The following PGM5 variants were observed in gnomAD, a reference collection of about 807,000 sequenced individuals.
PGM5 encodes phosphoglucomutase-like protein 5.
A neutral mutation model predicts 59.2 loss-of-function variants in PGM5; 23 were observed. The observed-to-expected ratio is 0.39, with a 90% CI of 0.28 to 0.55. PGM5 has a LOEUF of 0.55. Among genes scored for constraint, PGM5 ranks in the 20% least tolerant of loss-of-function variants. The pLI, the probability that PGM5 is intolerant of heterozygous loss-of-function variation, is 0.66. For synonymous variants in PGM5, 214 were observed against 286.0 expected (o/e 0.75, Z 2.54); for missense variants, 574 against 748.3 (o/e 0.77, Z 2.72).
chr9:68,505,869 A>G (rs1239353096), intron 10 of PGM5, among the ~76,000 whole-genome samples: 2 of 152,188 alleles, frequency 1.3e-5, no homozygotes, highest in African/African-American at 2.4e-5. Context: ...GTGGGGCTGA[A>G]CATTCAAACC....
At chr9:68,470,823 C>A (rs1336943433) in intron 7 of PGM5, among the ~76,000 whole-genome samples, 2 of 152,186 alleles carry the variant, frequency 1.3e-5, no homozygotes, top group African/African-American at 4.8e-5. Flanking sequence ...TGAGCAGTTT[C>A]TCTGTGGGGC....
At chr9:68,418,563 G>A (rs911330634) in intron 6 of PGM5, among the ~76,000 whole-genome samples, 1 of 152,020 alleles carries the variant, frequency 6.6e-6, no homozygotes, top group Admixed American at 6.6e-5. Flanking sequence ...TGTTCAAGCA[G>A]AAGAAATCTC....
chr9:68,519,897 C>A (rs1564028136), intron 10 of PGM5, among the ~76,000 whole-genome samples: 2 of 139,792 alleles, frequency 1.4e-5, no homozygotes, highest in Admixed American at 7.2e-5. Flanking sequence ...CTTGTCTTTA[C>A]AATAAATAAA....
intron 4 of PGM5, among the ~76,000 whole-genome samples, chr9:68,387,926 C>T (rs1822267570): frequency 6.6e-6 from 1 of 152,046 alleles, no homozygotes; most frequent in African/African-American, 2.4e-5. Flanking sequence ...CAACTCCTAT[C>T]TTCCCCCAAT....
intron 6 of PGM5, among the ~76,000 whole-genome samples, chr9:68,402,084 G>A (rs1554680702): frequency 3.9e-5 from 6 of 152,042 alleles, no homozygotes; most frequent in African/African-American, 2.4e-5. Context: ...CTAACATGGC[G>A]AAGCCCCTGT....
At chr9:68,517,290 A>G (rs185543228) in intron 10 of PGM5, among the ~76,000 whole-genome samples, 75 of 152,198 alleles carry the variant, frequency 4.9e-4, no homozygotes, top group African/African-American at 1.7e-3. Context: ...TTACTCCCCA[A>G]ATGGTTGCTG....
chr9:68,523,397 T>C (rs1394660313), intron 10 of PGM5, among the ~76,000 whole-genome samples: 1 of 152,184 alleles, frequency 6.6e-6, no homozygotes, highest in South Asian at 2.1e-4. Context: ...TGAGGGGTGC[T>C]GCAGTCTCCA....
At chr9:68,359,887 A>G (rs1834545557) in intron 1 of PGM5, among the ~76,000 whole-genome samples, 1 of 152,220 alleles carries the variant, frequency 6.6e-6, no homozygotes, top group South Asian at 2.1e-4. Context: ...TTTGTTGCCC[A>G]GGCTGGAGTG....
At chr9:68,361,616 C>T (rs10867843) in intron 1 of PGM5, among the ~76,000 whole-genome samples, 9 of 152,284 alleles carry the variant, frequency 5.9e-5, no homozygotes, top group East Asian at 3.9e-4. Context: ...CTTGCTGGGC[C>T]CTCACATAGT....
Position 68,479,457 on chromosome 9 carries a change from T to C in PGM5, c.1199T>C (p.Val400Ala). The change falls in exon 8 of 11, where the codon GTC (valine) becomes GCC (alanine). Residue 400 changes from valine to alanine, a missense_variant. Val to Ala is a moderately conservative substitution (Grantham distance 64). This residue lies in a region of PGM5 where 300 missense variants were observed against 280.0 expected (regional missense o/e 1.07). Transcript: ENST00000396396. ...CGAGAGAAGGATGGCCTGTGGGCTG[T>C]CTTGGTCTGGCTCTCCATTATTGCT... Reference protein sequence around the residue: ...HLREKDGLWAVLVWLSIIAAR... With the variant: ...HLREKDGLWAALVWLSIIAAR... 1.2e-6 allele frequency: 2 copies of C among 1,613,880 alleles called. No individual in the cohort carries two copies. The highest frequency in any genetic ancestry group is 1.7e-4 in the Middle Eastern group (1 of 6,060).
chr9:68,440,492 GA>G (rs1823508161), intron 6 of PGM5, among the ~76,000 whole-genome samples: 1 of 152,104 alleles, frequency 6.6e-6, no homozygotes, highest in South Asian at 2.1e-4. Context: ...ATCCATCAAA[GA>G]AAAAGTTTCA....
At chr9:68,491,118 A>G (rs1043101630) in intron 9 of PGM5, among the ~76,000 whole-genome samples, 2 of 152,238 alleles carry the variant, frequency 1.3e-5, no homozygotes, top group Non-Finnish European at 2.9e-5. Context: ...TCAGCTCATT[A>G]GCACCGAGGA....
chr9:68,394,272 G>A (rs1822441976), intron 6 of PGM5: 1 of 152,032 alleles, frequency 6.6e-6, no homozygotes, highest in Non-Finnish European at 1.5e-5. Flanking sequence ...TCAACACCAT[G>A]AAAAAATAGC....
intron 6 of PGM5, among the ~76,000 whole-genome samples, chr9:68,412,414 T>G (rs1344701582): frequency 6.6e-6 from 1 of 152,268 alleles, no homozygotes; most frequent in African/African-American, 2.4e-5. Context: ...CTGGTCTTAT[T>G]CTGATAAATA....
intron 7 of PGM5, among the ~76,000 whole-genome samples, chr9:68,474,032 C>A (rs560995589): frequency 2.6e-5 from 4 of 152,084 alleles, no homozygotes; most frequent in South Asian, 2.1e-4. Context: ...GCATACGGTG[C>A]CTTTCTGCTG....
At chr9:68,489,737 C>G (rs1554687772) in intron 9 of PGM5, among the ~76,000 whole-genome samples, 1 of 152,066 alleles carries the variant, frequency 6.6e-6, no homozygotes, top group Non-Finnish European at 1.5e-5. Flanking sequence ...AAACCAACTC[C>G]TATATTTCTA....
intron 1 of PGM5, among the ~76,000 whole-genome samples, chr9:68,375,780 C>T (rs1383382942): frequency 1.3e-5 from 2 of 152,202 alleles, no homozygotes; most frequent in Non-Finnish European, 2.9e-5. Flanking sequence ...AAGTTAGGGA[C>T]TTCTGGCCAT....
intron 7 of PGM5, among the ~76,000 whole-genome samples, chr9:68,472,224 G>A (rs997982883): frequency 2.0e-5 from 3 of 152,296 alleles, no homozygotes; most frequent in Middle Eastern, 3.4e-3. Context: ...GGTTTAGGGA[G>A]GAATGTCAAG....
intron 8 of PGM5, 101 bp downstream of exon 8, chr9:68,479,654 G>C (rs1824161294): frequency 7.8e-7 from 1 of 1,277,594 alleles, no homozygotes; most frequent in African/African-American, 1.5e-5. Context: ...GAGGCATCAG[G>C]CCGGGCGCGG....
Sources: allele counts gnomAD v4.1 joint callset (sites outside exome capture counted in the v4.1 genomes callset), GRCh38; gene constraint gnomAD v4.1.1; regional missense constraint gnomAD v4.1.1; transcripts MANE v1.5; gene names NCBI Gene and HGNC (gene_info 2026-07-23, HGNC 2026-07-21).